Variants in TEK observed in about 807,000 individuals in gnomAD.
TEK encodes TEK receptor tyrosine kinase, also known as angiopoietin-1 receptor.
Under a neutral mutation model 131.8 loss-of-function variants are expected in TEK, and 43 were observed. The ratio of observed to expected loss-of-function variants is 0.33; its 90% confidence interval spans 0.26 to 0.42. TEK has a LOEUF of 0.42. TEK is among the 10% of genes least tolerant of loss of function. TEK has a pLI of 1.00. For synonymous variants in TEK, 580 were observed against 491.6 expected (o/e 1.18, Z -2.38); for missense variants, 1,162 against 1,384.4 (o/e 0.84, Z 2.55).
rs796906466 is a variant in TEK at position 27,152,601 on chromosome 9, G to T, written c.53-5230G>T. Among the ~76,000 whole-genome samples, 4 of 123,874 alleles carry T rather than the reference G, an allele frequency of 3.2e-5. 1 individual carries two copies. Among genetic ancestry groups the T allele is most frequent in the East Asian group, 2.0e-4 (1 of 5,064 alleles). 81.3% of individuals were successfully genotyped at this position (123,874 alleles called of 152,430 possible). On this transcript the variant is annotated intron_variant, in intron 1 of 22. Coordinates refer to ENST00000380036, the MANE Select transcript of TEK (RefSeq NM_000459.5). ...AAATCTTATATGAAGCCCCCCCGCC[G>T]CAAAAAAATAAAATAAAATAAAGTT...
At chr9:27,123,052 C>CAAAAAAAAAAAAAAAAAAA (rs10700803) in intron 1 of TEK, among the ~76,000 whole-genome samples, 3 of 34,710 alleles carry the variant, frequency 8.6e-5, no homozygotes, top group African/African-American at 1.4e-4. Flanking sequence ...GACTCTGTCT[C>CAAAAAAAAAAAAAAAAAAA]AAAAAAAAAA....
chr9:27,115,856 G>A (rs1821535099), intron 1 of TEK, among the ~76,000 whole-genome samples: 1 of 152,222 alleles, frequency 6.6e-6, no homozygotes, highest in Non-Finnish European at 1.5e-5. Context: ...AATTAAAGTT[G>A]GGGTCAGATC....
chr9:27,148,755 C>G (rs1299087297), intron 1 of TEK, among the ~76,000 whole-genome samples: 1 of 152,184 alleles, frequency 6.6e-6, no homozygotes, highest in Non-Finnish European at 1.5e-5. Context: ...TTTGTGTTTC[C>G]TTCTCTGTGA....
chr9:27,210,768 A>C (rs1260926605), intron 16 of TEK: 1 of 152,196 alleles, frequency 6.6e-6, no homozygotes, highest in Non-Finnish European at 1.5e-5. Context: ...ACAACAACAA[A>C]AATATATCCC....
At chr9:27,222,900 G>T (rs1169079321) in intron 21 of TEK, among the ~76,000 whole-genome samples, 4 of 151,948 alleles carry the variant, frequency 2.6e-5, no homozygotes, top group African/African-American at 9.7e-5. Context: ...GATACACATA[G>T]GCTCAAAATA....
intron 7 of TEK, among the ~76,000 whole-genome samples, chr9:27,180,825 G>T (rs895209822): frequency 2.0e-5 from 3 of 152,186 alleles, no homozygotes; most frequent in African/African-American, 7.2e-5. Context: ...TCTTCAGCAG[G>T]AGTCAGCAAA....
chr9:27,217,595 C>A, intron 18 of TEK, 93 bp from the exon 19 acceptor site: 2 of 1,097,614 alleles, frequency 1.8e-6, no homozygotes, highest in East Asian at 2.4e-5. Flanking sequence ...TGAGTCTACC[C>A]AGCAATCATT....
At chr9:27,123,076 A>AAC (rs1821859424) in intron 1 of TEK, among the ~76,000 whole-genome samples, 3 of 150,454 alleles carry the variant, frequency 2.0e-5, no homozygotes, top group Non-Finnish European at 4.4e-5. Flanking sequence ...AAAAAAAAAA[A>AAC]AACTGGAGGA....
At chr9:27,191,854 G>T (rs1824835120) in intron 10 of TEK, 2 of 446,122 alleles carry the variant, frequency 4.5e-6, no homozygotes, top group Non-Finnish European at 8.9e-6. Context: ...TCTAAGAACT[G>T]TTAAACACAT....
chr9:27,225,902 C>A (rs1407291411), intron 21 of TEK, among the ~76,000 whole-genome samples: 2 of 151,980 alleles, frequency 1.3e-5, no homozygotes, highest in Non-Finnish European at 2.9e-5. Flanking sequence ...AAAAAAACAA[C>A]CCCATCAAAA....
intron 2 of TEK, among the ~76,000 whole-genome samples, chr9:27,159,466 C>T (rs1164361441): frequency 3.3e-5 from 5 of 152,132 alleles, no homozygotes; most frequent in Non-Finnish European, 7.3e-5. Flanking sequence ...AGAATTAGGG[C>T]CCTCTTTGCA....
At chr9:27,164,381 G>A (rs902219076) in intron 2 of TEK, among the ~76,000 whole-genome samples, 2 of 149,864 alleles carry the variant, frequency 1.3e-5, no homozygotes, top group Non-Finnish European at 3.0e-5. Flanking sequence ...GTGCAGTGGC[G>A]CAATCTCAGC....
rs146302981 is a variant in TEK at position 27,158,011 on chromosome 9, T to C, written c.233T>C (p.Val78Ala). 72 of 1,614,176 alleles carry C rather than the reference T, an allele frequency of 4.5e-5. No homozygotes were observed. The African/African-American group carries it at 8.5e-4, about 19-fold the overall frequency. ...HQDPLEVTQD[V>A]TREWAKKVVW... ...GATCCGCTGGAAGTTACTCAAGATG[T>C]GACCAGAGAATGGGCTAAAAAAGTT... Residue 78 changes from valine to alanine, a missense_variant, in exon 2 of 23, where the codon GTG becomes GCG. Val to Ala is a moderately conservative substitution (Grantham distance 64). Coordinates refer to ENST00000380036, the MANE Select transcript of TEK (RefSeq NM_000459.5).
chr9:27,217,570 C>A, intron 18 of TEK, 118 bp from the exon 19 acceptor site: 2 of 863,980 alleles, frequency 2.3e-6, no homozygotes, highest in Non-Finnish European at 3.9e-6. Context: ...GGGACATACA[C>A]AAAGCAATGA....
intron 1 of TEK, among the ~76,000 whole-genome samples, chr9:27,116,757 G>T (rs1186786579): frequency 1.3e-5 from 2 of 152,044 alleles, no homozygotes; most frequent in East Asian, 3.9e-4. Flanking sequence ...CCAAAAATTT[G>T]ATGAAGAAGA....
At chr9:27,150,921 G>C (rs76166182) in intron 1 of TEK, among the ~76,000 whole-genome samples, 1,728 of 152,298 alleles carry the variant, frequency 0.011, 45 homozygotes, top group African/African-American at 0.04. Flanking sequence ...AGACAAGGGT[G>C]CCATTTGGCT....
At chr9:27,176,961 T>G (rs1824193710) in intron 6 of TEK, among the ~76,000 whole-genome samples, 1 of 152,224 alleles carries the variant, frequency 6.6e-6, no homozygotes. Flanking sequence ...ATGCCTGGCT[T>G]ATTTCACTTA....
chr9:27,151,767 CA>C (rs1239602690), intron 1 of TEK, among the ~76,000 whole-genome samples: 2 of 152,140 alleles, frequency 1.3e-5, no homozygotes, highest in Admixed American at 6.5e-5. Context: ...GTACTGGGCA[CA>C]GGGGAAGCAT....
chr9:27,161,996 T>C (rs888395187), intron 2 of TEK, among the ~76,000 whole-genome samples: 1 of 152,208 alleles, frequency 6.6e-6, no homozygotes, highest in Non-Finnish European at 1.5e-5. Context: ...TCACATATTA[T>C]GGAGTTTTAC....
Sources: allele counts gnomAD v4.1 joint callset (sites outside exome capture counted in the v4.1 genomes callset), GRCh38; gene constraint gnomAD v4.1.1; transcripts MANE v1.5; gene names NCBI Gene and HGNC (gene_info 2026-07-23, HGNC 2026-07-21).